Variants in ZBTB17 observed in about 807,000 individuals in gnomAD.
The protein encoded by ZBTB17 is zinc finger and BTB domain-containing protein 17.
In ZBTB17, 24 loss-of-function variants were observed where a neutral mutation model predicts 85.1. The observed-to-expected ratio is 0.28, with a 90% CI of 0.20 to 0.40. ZBTB17 has a LOEUF of 0.40. Ranked by LOEUF, ZBTB17 falls within the 10% of genes least tolerant of loss-of-function variation. The probability of loss-of-function intolerance (pLI) is 1.00; values close to 1 mark genes in which losing one functional copy is unlikely to be tolerated. For missense variants in ZBTB17, 743 were observed against 1,105.1 expected (o/e 0.67, Z 4.65); for synonymous variants, 464 against 460.2 (o/e 1.01, Z -0.11).
intron 2 of ZBTB17, among the ~76,000 whole-genome samples, chr1:15,968,807 G>GCGT (rs2148812784): frequency 6.6e-6 from 1 of 152,336 alleles, no homozygotes; most frequent in African/African-American, 2.4e-5. Flanking sequence ...TGGCAACCTG[G>GCGT]CGTCCCCACA....
In ZBTB17 at chr1:15,944,293, C is replaced by G. The variant is rs758748430; in HGVS notation, c.1371+7G>C. 5.2e-6 allele frequency: 8 copies of G among 1,550,682 alleles called. No individual in the cohort carries two copies. The highest frequency in any genetic ancestry group is 7.0e-6 in the Non-Finnish European group (8 of 1,147,154). Reference sequence around the variant, plus strand: ...CCAGGCGCTGGTTCCGGGAGGGGTCCGCACACCTGGTTGAACTTCTTGTCG... The same window carrying G: ...CCAGGCGCTGGTTCCGGGAGGGGTCGGCACACCTGGTTGAACTTCTTGTCG... On this transcript the variant is annotated splice_region_variant and intron_variant, in intron 9 of 15. Transcript: ENST00000375743.
chr1:15,943,729 G>A lies in ZBTB17; in HGVS notation c.1460-14C>T, dbSNP rs371861813. 14 of 1,612,984 alleles carry A rather than the reference G, an allele frequency of 8.7e-6. No homozygotes were observed. Among genetic ancestry groups the A allele is most frequent in the Non-Finnish European group, 1.2e-5 (14 of 1,179,878 alleles). On this transcript the variant is annotated splice_polypyrimidine_tract_variant and intron_variant, in intron 10 of 15. Transcript: ENST00000375743. ...GCTTCAGGTTCCCTGTGGCGAGACCGAGGGCGAACCTGGCGTGGGGCACCA... is the reference window on the plus strand; with the variant it reads ...GCTTCAGGTTCCCTGTGGCGAGACCAAGGGCGAACCTGGCGTGGGGCACCA...
chr1:15,960,042 G>A (rs1009158284), intron 2 of ZBTB17, among the ~76,000 whole-genome samples: 4 of 152,198 alleles, frequency 2.6e-5, no homozygotes, highest in Non-Finnish European at 5.9e-5. Context: ...TGGTGTCCTC[G>A]TGCTCAAACA....
intron 2 of ZBTB17, among the ~76,000 whole-genome samples, chr1:15,958,977 G>A (rs766904759): frequency 3.3e-5 from 5 of 152,184 alleles, no homozygotes; most frequent in Non-Finnish European, 5.9e-5. Flanking sequence ...GACTTGAAAG[G>A]GGGAGATGAA....
chr1:15,970,771 T>A (rs372808721), intron 2 of ZBTB17, among the ~76,000 whole-genome samples: 3 of 152,078 alleles, frequency 2.0e-5, no homozygotes, highest in East Asian at 1.9e-4. Flanking sequence ...ATGGTCTCGA[T>A]CTCCTGACCT....
chr1:15,955,853 G>C (rs1158326189), intron 2 of ZBTB17, among the ~76,000 whole-genome samples: 1 of 152,156 alleles, frequency 6.6e-6, no homozygotes, highest in Non-Finnish European at 1.5e-5. Context: ...CTCCAGCCTA[G>C]GTGACAGAGG....
In ZBTB17 at chr1:15,952,533, C is replaced by T. The variant is rs180940582; in HGVS notation, c.-2-4036G>A. ...GCCCACCACGCCTCCCATGGAGAGA[C>T]GGTGTCTGTTTCCCTCCTGTCGGAA... On this transcript the variant is annotated intron_variant, in intron 2 of 15. Coordinates refer to ENST00000375743, the MANE Select transcript of ZBTB17 (RefSeq NM_003443.3). The surrounding 1 kb of genome is among the most constrained non-coding windows in gnomAD (Gnocchi z 4.3). 9.2e-5 allele frequency among the ~76,000 whole-genome samples: 14 copies of T among 152,390 alleles called. No homozygotes were observed. The East Asian group carries it at 2.1e-3, about 23-fold the overall frequency.
intron 2 of ZBTB17, among the ~76,000 whole-genome samples, chr1:15,968,574 A>G (rs1490038192): frequency 6.6e-6 from 1 of 152,234 alleles, no homozygotes; most frequent in Admixed American, 6.5e-5. Context: ...GGAATGGCTC[A>G]GAAAAGGCTT....
intron 2 of ZBTB17, among the ~76,000 whole-genome samples, chr1:15,955,886 C>T (rs933584380): frequency 1.3e-5 from 2 of 152,198 alleles, no homozygotes; most frequent in African/African-American, 2.4e-5. Context: ...ACATCCACAA[C>T]TAAAGTTTAG....
chr1:15,970,733 G>C (rs1260372006), intron 2 of ZBTB17, among the ~76,000 whole-genome samples: 2 of 152,014 alleles, frequency 1.3e-5, no homozygotes, highest in Admixed American at 6.5e-5. Context: ...ATTTTTAGTA[G>C]AGACGGAGTT....
At chr1:15,975,937 C>T in intron 1 of ZBTB17, 46 bp downstream of exon 1, 1 of 697,234 alleles carries the variant, frequency 1.4e-6, no homozygotes, top group Middle Eastern at 2.8e-4. Flanking sequence ...CGCCTCCGCC[C>T]CGGCTCCCGG....
chr1:15,959,756 G>A (rs2072190158), intron 2 of ZBTB17, among the ~76,000 whole-genome samples: 1 of 151,990 alleles, frequency 6.6e-6, no homozygotes, highest in African/African-American at 2.4e-5. Context: ...ATAGGCAACA[G>A]AGCAAAACTC....
Position 15,942,050 on chromosome 1 carries a change from G to C in ZBTB17, c.2331C>G (p.Arg777=), listed in dbSNP as rs200203938. 213 of 1,612,228 alleles carry C rather than the reference G, an allele frequency of 1.3e-4. 1 individual carries two copies. The highest frequency in any genetic ancestry group is 1.7e-4 in the Non-Finnish European group (197 of 1,180,020). Residue 777 remains arginine, a synonymous_variant, in exon 16 of 16, where the codon CGC becomes CGG. Coordinates refer to ENST00000375743, the MANE Select transcript of ZBTB17 (RefSeq NM_003443.3). The stretch of plus-strand genomic sequence containing the variant: ...GCTGGCCCTCAGCCCCGTCGCGAGG[G>C]CGGAAGACCAGCTCCCCAGCCTGCA... ...QVLQAGELVF[R]PRDGAEGQPA...
At chr1:15,971,286 A>G (rs2072641177) in intron 2 of ZBTB17, among the ~76,000 whole-genome samples, 1 of 150,950 alleles carries the variant, frequency 6.6e-6, no homozygotes, top group Non-Finnish European at 1.5e-5. Flanking sequence ...TTGGGTAGGT[A>G]GGTGGGTGGG....
rs2071398138 is a variant in ZBTB17, at chr1:15,942,378, A to G, written c.2081T>C (p.Val694Ala). 6.2e-7 allele frequency: 1 copy of G among 1,613,602 alleles called. No homozygotes were observed. The highest frequency in any genetic ancestry group is 1.3e-5 in the African/African-American group (1 of 74,896). Residue 694 changes from valine (V) to alanine (A), a missense_variant, in exon 15 of 16, where the codon GTC becomes GCC. This residue lies in a region of ZBTB17 where 321 missense variants were observed against 615.7 expected (regional missense o/e 0.52). Transcript: ENST00000375743. ...AGCTTTGCTGATCTCGGCCTTCAGG[A>G]CTTCCGTCTCATCGGCTGTCACTGC... ...GAAVTADETEVLKAEISKAVK... is the reference protein window; with the variant it reads ...GAAVTADETEALKAEISKAVK...
At position 15,944,962 on chromosome 1, in the gene ZBTB17, T is replaced by A; in HGVS notation, c.902A>T (p.Tyr301Phe). The change falls in exon 7 of 16, where the codon TAC becomes TTC. Residue 301 changes from tyrosine to phenylalanine, a missense_variant. Tyr to Phe is a conservative substitution (Grantham distance 22, BLOSUM62 3). Coordinates refer to ENST00000375743, the MANE Select transcript of ZBTB17 (RefSeq NM_003443.3). Reference protein sequence around the residue: ...TYGDRTESKAYGSVIHKCEDC... With the variant: ...TYGDRTESKAFGSVIHKCEDC... Reference sequence around the variant, plus strand: ...CTCGCACTTGTGGATGACGGAGCCGTAGGCCTTGGACTCCGTGCGGTCGCC... The same window carrying A: ...CTCGCACTTGTGGATGACGGAGCCGAAGGCCTTGGACTCCGTGCGGTCGCC... 1.3e-6 allele frequency: 2 copies of A among 1,581,996 alleles called. No individual in the cohort carries two copies.
intron 1 of ZBTB17, among the ~76,000 whole-genome samples, chr1:15,975,052 G>C (rs1049098485): frequency 6.6e-6 from 1 of 152,210 alleles, no homozygotes; most frequent in African/African-American, 2.4e-5. Flanking sequence ...TAGGCTGAGT[G>C]ATGTGTCTCT....
rs557008052 is a variant in ZBTB17 at position 15,952,271 on chromosome 1, T to G, written c.-2-3774A>C. The stretch of plus-strand genomic sequence containing the variant: ...CTCAGTTTTTCTCCCTCACCTCAGG[T>G]GTCAGAGCTGGGATGCTGTCCTGAT... On this transcript the variant is annotated intron_variant, in intron 2 of 15. Transcript: ENST00000375743. The surrounding 1 kb of genome is among the most constrained non-coding windows in gnomAD (Gnocchi z 4.3). Among the ~76,000 whole-genome samples the G allele has an allele frequency of 6.6e-6, 1 of 152,270 alleles. No homozygotes were observed. The highest frequency in any genetic ancestry group is 2.1e-4 in the South Asian group (1 of 4,830).
intron 3 of ZBTB17, 56 bp downstream of exon 3, chr1:15,948,235 G>A: frequency 6.2e-7 from 1 of 1,605,648 alleles, no homozygotes; most frequent in Non-Finnish European, 8.5e-7. Flanking sequence ...GCATGGCACA[G>A]GGCCGGCCAT....
Sources: gnomAD v4.1 joint callset for allele counts (sites outside exome capture counted in the v4.1 genomes callset) on GRCh38, gnomAD v4.1.1 for gene constraint, gnomAD v4.1.1 regional missense constraint, Gnocchi (gnomAD v3.1) non-coding constraint, MANE v1.5 for transcripts, NCBI Gene and HGNC (gene_info 2026-07-23, HGNC 2026-07-21) for gene names.